Variants in SWAP70 observed in about 807,000 individuals in gnomAD.
SWAP70 encodes switching B cell complex subunit SWAP70, also known as switch-associated protein 70.
In SWAP70, 34 loss-of-function variants were observed where a neutral mutation model predicts 80.2. The ratio of observed to expected loss-of-function variants is 0.42; its 90% confidence interval spans 0.32 to 0.56. The LOEUF (loss-of-function observed/expected upper bound fraction) is 0.56, where lower values mean the gene tolerates loss of function less well. SWAP70 is among the 20% of genes least tolerant of loss of function. The pLI is 0.09. For missense variants in SWAP70, 578 were observed against 690.7 expected, an observed-to-expected ratio of 0.84 and a Z score of 1.83; for synonymous variants, 239 against 238.5, an observed-to-expected ratio of 1.00 and a Z score of -0.02.
chr11:9,745,946 G>T (rs1228254395), intron 9 of SWAP70, among the ~76,000 whole-genome samples: 1 of 152,214 alleles, frequency 6.6e-6, no homozygotes, highest in African/African-American at 2.4e-5. Context: ...AATCACAGGG[G>T]GATGAGCAGC....
intron 3 of SWAP70, 143 bp downstream of exon 3, chr11:9,713,782 A>T: frequency 2.1e-6 from 2 of 955,662 alleles, no homozygotes; most frequent in Middle Eastern, 3.5e-4. Context: ...CAGCCTGAGT[A>T]TAGAAAAGCT....
chr11:9,672,197 A>ATGTG (rs1313986042), intron 1 of SWAP70, among the ~76,000 whole-genome samples: 2 of 112,142 alleles, frequency 1.8e-5, no homozygotes, highest in African/African-American at 6.8e-5. Flanking sequence ...GTGTGTGTCT[A>ATGTG]TATATATATA....
intron 1 of SWAP70, among the ~76,000 whole-genome samples, chr11:9,685,791 G>A (rs1164979326): frequency 1.3e-5 from 2 of 152,004 alleles, no homozygotes; most frequent in African/African-American, 4.8e-5. Flanking sequence ...ACACCACCAC[G>A]CCCGGCTAAT....
At chr11:9,742,412 C>G (rs1052748184) in intron 9 of SWAP70, among the ~76,000 whole-genome samples, 3 of 151,890 alleles carry the variant, frequency 2.0e-5, no homozygotes, top group African/African-American at 7.3e-5. Flanking sequence ...TCTCGGCTCA[C>G]TGCAATCTCC....
intron 7 of SWAP70, among the ~76,000 whole-genome samples, chr11:9,737,428 T>C (rs1268539638): frequency 6.6e-6 from 1 of 152,238 alleles, no homozygotes; most frequent in African/African-American, 2.4e-5. Context: ...CTAGAGACTT[T>C]TAAAGGTTTT....
At chr11:9,686,125 TG>T (rs1295690596) in intron 1 of SWAP70, among the ~76,000 whole-genome samples, 2 of 151,810 alleles carry the variant, frequency 1.3e-5, no homozygotes, top group Admixed American at 6.5e-5. Context: ...ACTCAAACAA[TG>T]TATTAAAGTA....
chr11:9,741,064 T>C (rs1851431642), intron 9 of SWAP70: 1 of 153,000 alleles, frequency 6.5e-6, no homozygotes, highest in Admixed American at 6.5e-5. Flanking sequence ...CTAAAAAGTA[T>C]TCACTACAGT....
In SWAP70 at chr11:9,724,670, C is replaced by T. The variant is rs1253224638; in HGVS notation, c.427C>T (p.Leu143Phe). The change falls in exon 4 of 12, where the codon CTT becomes TTT. Residue 143 changes from leucine to phenylalanine, a missense_variant. Leu to Phe is a conservative substitution (Grantham distance 22). Transcript: ENST00000318950. ...IIVSEEIEYLLKKLTEAMGGG... is the reference protein window; with the variant it reads ...IIVSEEIEYLFKKLTEAMGGG... ...ATTCTTTATGTAGATTGAATACCTG[C>T]TTAAGAAGCTTACAGAAGCTATGGG... The T allele has an allele frequency of 1.2e-6, 2 of 1,612,038 alleles. No homozygotes were observed. The highest frequency in any genetic ancestry group is 1.7e-6 in the Non-Finnish European group (2 of 1,178,708).
chr11:9,733,710 C>T (rs965560629), intron 7 of SWAP70, among the ~76,000 whole-genome samples: 1 of 152,138 alleles, frequency 6.6e-6, no homozygotes, highest in African/African-American at 2.4e-5. Flanking sequence ...TGTAAAAATT[C>T]CCTTTAAAGG....
intron 1 of SWAP70, among the ~76,000 whole-genome samples, chr11:9,689,460 T>C (rs763596372): frequency 1.3e-5 from 2 of 152,246 alleles, no homozygotes; most frequent in Non-Finnish European, 2.9e-5. Context: ...GTTATTGTGG[T>C]AACAATAGTT....
chr11:9,711,405 G>GTC (rs1554986233), intron 2 of SWAP70, among the ~76,000 whole-genome samples: 4 of 152,116 alleles, frequency 2.6e-5, no homozygotes, highest in African/African-American at 7.2e-5. Flanking sequence ...GTGTGTGTGT[G>GTC]TGTCTGTCTG....
At chr11:9,731,503 A>G (rs1269833405) in intron 6 of SWAP70, among the ~76,000 whole-genome samples, 3 of 152,242 alleles carry the variant, frequency 2.0e-5, no homozygotes, top group African/African-American at 2.4e-5. Context: ...ATTGCAAACA[A>G]TCTAGCTATC....
intron 2 of SWAP70, among the ~76,000 whole-genome samples, chr11:9,698,981 T>C (rs767068866): frequency 4.6e-5 from 7 of 151,692 alleles, no homozygotes; most frequent in Non-Finnish European, 1.0e-4. Context: ...ATAGTTATCA[T>C]GTGGTACATG....
In SWAP70 at chr11:9,665,997, G is replaced by A. The variant is rs2061211535; in HGVS notation, c.99+1719G>A. On this transcript the variant is annotated intron_variant, in intron 1 of 11. Transcript: ENST00000318950. ...AATTATTGATATGGTTTGATTTAGGGCTACCATTTTATTATAATTTGGTTT... is the reference window on the plus strand; with the variant it reads ...AATTATTGATATGGTTTGATTTAGGACTACCATTTTATTATAATTTGGTTT... 2.0e-5 allele frequency among the ~76,000 whole-genome samples: 3 copies of A among 146,678 alleles called. No homozygotes were observed. In the South Asian group the frequency reaches 6.4e-4, roughly 31 times the overall value.
chr11:9,744,130 T>G (rs1851479818), intron 9 of SWAP70, among the ~76,000 whole-genome samples: 1 of 152,002 alleles, frequency 6.6e-6, no homozygotes, highest in African/African-American at 2.4e-5. Flanking sequence ...GCCCAGCTAA[T>G]TTTTTGTATT....
intron 3 of SWAP70, among the ~76,000 whole-genome samples, chr11:9,722,976 G>A (rs1417506786): frequency 6.6e-6 from 1 of 152,188 alleles, no homozygotes; most frequent in Non-Finnish European, 1.5e-5. Flanking sequence ...GGTATTGGTG[G>A]TATTGGTGGA....
intron 1 of SWAP70, chr11:9,681,219 A>C (rs556744036): frequency 8.5e-5 from 13 of 152,354 alleles, no homozygotes; most frequent in African/African-American, 1.7e-4. Flanking sequence ...GGTGACAAAT[A>C]TGGTGGTAGC....
At chr11:9,731,291 T>C (rs1182796436) in intron 6 of SWAP70, among the ~76,000 whole-genome samples, 1 of 152,212 alleles carries the variant, frequency 6.6e-6, no homozygotes, top group Non-Finnish European at 1.5e-5. Flanking sequence ...GTAGTCATTT[T>C]TGATGTGGTT....
intron 8 of SWAP70, among the ~76,000 whole-genome samples, chr11:9,739,127 T>C (rs1486075188): frequency 6.6e-6 from 1 of 152,168 alleles, no homozygotes; most frequent in Non-Finnish European, 1.5e-5. Flanking sequence ...GTCTGATTTG[T>C]TGCTCTTGGC....
Sources: allele counts gnomAD v4.1 joint callset (sites outside exome capture counted in the v4.1 genomes callset), GRCh38; gene constraint gnomAD v4.1.1; transcripts MANE v1.5; gene names NCBI Gene and HGNC (gene_info 2026-07-23, HGNC 2026-07-21).